The following UTRN variants were observed in gnomAD, a reference collection of about 807,000 sequenced individuals.
UTRN encodes dystrophin-related protein 1.
UTRN carries 283 observed loss-of-function variants against 463.9 expected under a neutral mutation model. The observed-to-expected ratio is 0.61, with a 90% CI of 0.55 to 0.67. The LOEUF is 0.67. Ranked by LOEUF, UTRN falls within the 30% of genes least tolerant of loss-of-function variation. UTRN has a pLI of 0.00. For missense variants in UTRN, 3,922 were observed against 4,084.3 expected, an observed-to-expected ratio of 0.96 and a Z score of 1.08; for synonymous variants, 1,442 against 1,431.5, an observed-to-expected ratio of 1.01 and a Z score of -0.17.
chr6:144,450,593 C>A (rs1333183194), intron 17 of UTRN, among the ~76,000 whole-genome samples: 1 of 152,146 alleles, frequency 6.6e-6, no homozygotes, highest in African/African-American at 2.4e-5. Context: ...CTAGAAGCTC[C>A]TTGGGAGCTG....
intron 2 of UTRN, chr6:144,333,380 T>G (rs1033092869): frequency 1.3e-5 from 2 of 152,220 alleles, no homozygotes; most frequent in African/African-American, 4.8e-5. Context: ...CTATACCGTC[T>G]TATTCACATT....
At chr6:144,380,727 A>T (rs1780837141) in intron 2 of UTRN, among the ~76,000 whole-genome samples, 1 of 152,086 alleles carries the variant, frequency 6.6e-6, no homozygotes, top group Non-Finnish European at 1.5e-5. Context: ...AGGTGGGAGG[A>T]TTACTTGAGC....
chr6:144,621,117 G>A (rs1454838264), intron 51 of UTRN, among the ~76,000 whole-genome samples: 1 of 152,022 alleles, frequency 6.6e-6, no homozygotes, highest in East Asian at 1.9e-4. Context: ...AATTAATGGT[G>A]GTATTACCTC....
At chr6:144,431,182 G>T (rs1290500199) in intron 9 of UTRN, among the ~76,000 whole-genome samples, 2 of 152,100 alleles carry the variant, frequency 1.3e-5, no homozygotes, top group Non-Finnish European at 2.9e-5. Context: ...ATTGCATTTT[G>T]TTAGAAGGAG....
intron 51 of UTRN, among the ~76,000 whole-genome samples, chr6:144,641,701 A>T (rs11155365): frequency 6.6e-6 from 1 of 152,102 alleles, no homozygotes; most frequent in African/African-American, 2.4e-5. Flanking sequence ...TGCCATGCTT[A>T]TATTAAGTAG....
In UTRN at chr6:144,630,863, C is replaced by G. The variant is rs555664451; in HGVS notation, c.7480-47543C>G. Among the ~76,000 whole-genome samples, 135 of 152,240 alleles carry G rather than the reference C, an allele frequency of 8.9e-4. 1 individual carries two copies. In the South Asian group the frequency reaches 0.026, roughly 29 times the overall value. ...CCTCCTTGTCCCTCATTCAGCCCTG[C>G]TCTTTCACAATAACCACCCCAAGAA... On this transcript the variant is annotated intron_variant, in intron 51 of 74. Coordinates refer to ENST00000367545, the MANE Select transcript of UTRN (RefSeq NM_007124.3).
intron 2 of UTRN, among the ~76,000 whole-genome samples, chr6:144,321,195 C>T (rs1204658506): frequency 2.7e-5 from 4 of 149,872 alleles, no homozygotes; most frequent in African/African-American, 7.3e-5. Context: ...ACTATTTAAC[C>T]GTTTTACTAT....
intron 42 of UTRN, among the ~76,000 whole-genome samples, chr6:144,531,699 AG>A (rs1371058034): frequency 6.6e-6 from 1 of 152,234 alleles, no homozygotes; most frequent in African/African-American, 2.4e-5. Flanking sequence ...TGATAACAAT[AG>A]GTCTTTAAAA....
chr6:144,425,226 G>A (rs1051607462), intron 6 of UTRN, among the ~76,000 whole-genome samples: 1 of 152,120 alleles, frequency 6.6e-6, no homozygotes, highest in African/African-American at 2.4e-5. Context: ...CTTTCCTTAT[G>A]ATTAAGTTCA....
At chr6:144,490,027 TA>T (rs144658666) in intron 30 of UTRN, 43 bp from the exon 31 acceptor site, 8,106 of 1,297,214 alleles carry the variant, frequency 6.2e-3, no homozygotes, top group East Asian at 0.016. Flanking sequence ...TATACTTAAG[TA>T]AAAAAAAAAG....
At chr6:144,326,517 A>G (rs1312847450) in intron 2 of UTRN, among the ~76,000 whole-genome samples, 3 of 152,130 alleles carry the variant, frequency 2.0e-5, no homozygotes, top group Admixed American at 6.5e-5. Context: ...TGTATTTTCC[A>G]TATTGCTGAT....
intron 32 of UTRN, 99 bp downstream of exon 32, chr6:144,491,201 T>A: frequency 8.6e-7 from 1 of 1,160,330 alleles, no homozygotes; most frequent in East Asian, 2.5e-5. Flanking sequence ...TGATCACTAG[T>A]CTACAGTGTG....
At chr6:144,382,850 G>A (rs2114741610) in intron 2 of UTRN, among the ~76,000 whole-genome samples, 1 of 152,272 alleles carries the variant, frequency 6.6e-6, no homozygotes. Flanking sequence ...AGCATCCTTA[G>A]TGCATGCATC....
At chr6:144,495,920 G>C (rs983978854) in intron 33 of UTRN, among the ~76,000 whole-genome samples, 26 of 152,140 alleles carry the variant, frequency 1.7e-4, no homozygotes, top group Non-Finnish European at 1.3e-4. Flanking sequence ...AAAAACTCAA[G>C]TTGTTGGTCC....
rs1793250907 is a variant in UTRN at position 144,493,428 on chromosome 6, A to G, written c.4565A>G (p.Lys1522Arg). 1 of 1,613,992 alleles carries G rather than the reference A, an allele frequency of 6.2e-7. No homozygotes were observed. Among genetic ancestry groups the G allele is most frequent in the East Asian group, 2.2e-5 (1 of 44,882 alleles). ...KGMDEQLTSL[K>R]VLYNDLGAQV... ...ATGGATGAGCAGCTGACTTCCCTGA[A>G]GGTTCTTTACAATGACCTGGGCGCA... Residue 1522 changes from lysine (K) to arginine (R), a missense_variant, in exon 33 of 75, where the codon AAG becomes AGG. Lys to Arg is a conservative substitution (Grantham distance 26). Transcript: ENST00000367545.
In UTRN at chr6:144,531,060, A is replaced by G; in HGVS notation, c.5915A>G (p.Asp1972Gly). Residue 1972 changes from aspartate to glycine, a missense_variant, in exon 42 of 75, where the codon GAC becomes GGC. Physicochemically the swap from Asp to Gly is moderately conservative, Grantham distance 94. This residue lies in a region of UTRN where 2,349 missense variants were observed against 2,303.8 expected (regional missense o/e 1.02). Transcript: ENST00000367545. Reference protein sequence around the residue: ...RMYSDRKGCFDRAMEEWRQFH... With the variant: ...RMYSDRKGCFGRAMEEWRQFH... Reference sequence around the variant, plus strand: ...TGTGTATTGTCCTCTAGTTGTTTTGACAGGGCAATGGAAGAATGGAGACAG... The same window carrying G: ...TGTGTATTGTCCTCTAGTTGTTTTGGCAGGGCAATGGAAGAATGGAGACAG... 6.2e-7 allele frequency: 1 copy of G among 1,613,772 alleles called. No individual in the cohort carries two copies. Among genetic ancestry groups the G allele is most frequent in the East Asian group, 2.2e-5 (1 of 44,854 alleles).
chr6:144,590,660 T>C (rs1379943662), intron 51 of UTRN, among the ~76,000 whole-genome samples: 1 of 152,186 alleles, frequency 6.6e-6, no homozygotes, highest in African/African-American at 2.4e-5. Flanking sequence ...AACAAGGAAG[T>C]ACAAATATGT....
Position 144,827,651 on chromosome 6 carries a change from T to C in UTRN, c.9574T>C (p.Ser3192Pro), listed in dbSNP as rs1391943214. Residue 3192 changes from serine (S) to proline (P), a missense_variant, in exon 68 of 75, where the codon TCA (serine) becomes CCA (proline). Ser to Pro is a moderately conservative substitution (Grantham distance 74). Transcript: ENST00000367545. ...SPQLFHDDTH[S>P]RIEQYATRLA... is the part of the protein sequence containing the mutation. ...TCAACTGTTTCATGATGACACCCAT[T>C]CAAGAATAGAACAATATGCCACACG... is the stretch of plus-strand genomic sequence containing the variant. 1.9e-6 allele frequency: 3 copies of C among 1,613,570 alleles called. No individual in the cohort carries two copies. Among genetic ancestry groups the C allele is most frequent in the Non-Finnish European group, 1.7e-6 (2 of 1,179,742 alleles).
At chr6:144,517,782 C>G (rs529976280) in intron 39 of UTRN, among the ~76,000 whole-genome samples, 1 of 152,282 alleles carries the variant, frequency 6.6e-6, no homozygotes, top group African/African-American at 2.4e-5. Context: ...ACCACACAGC[C>G]TAAGTGTGCA....
Sources: gnomAD v4.1 joint callset for allele counts (sites outside exome capture counted in the v4.1 genomes callset) on GRCh38, gnomAD v4.1.1 for gene constraint, gnomAD v4.1.1 regional missense constraint, MANE v1.5 for transcripts, NCBI Gene and HGNC (gene_info 2026-07-23, HGNC 2026-07-21) for gene names.